Variants in CARHSP1 observed in about 807,000 individuals in gnomAD.
CARHSP1 encodes calcium-regulated heat-stable protein 1.
CARHSP1 carries 14 observed loss-of-function variants against 12.5 expected under a neutral mutation model. The observed-to-expected ratio is 1.12, with a 90% CI of 0.74 to 1.75. The LOEUF (loss-of-function observed/expected upper bound fraction) is 1.75, where lower values mean the gene tolerates loss of function less well. Ranked by LOEUF, CARHSP1 falls within the 40% of genes most tolerant of loss-of-function variation. The pLI, the probability that CARHSP1 is intolerant of heterozygous loss-of-function variation, is 0.00. For synonymous variants in CARHSP1, 161 were observed against 82.0 expected, an observed-to-expected ratio of 1.96 and a Z score of -5.20; for missense variants, 343 against 201.6, an observed-to-expected ratio of 1.70 and a Z score of -4.25.
intron 2 of CARHSP1, 81 bp from the exon 3 acceptor site, chr16:8,858,553 G>A (rs1300426811): frequency 1.3e-6 from 2 of 1,547,734 alleles, no homozygotes; most frequent in Non-Finnish European, 1.7e-6. Context: ...GCCCACAGCT[G>A]TGCCCCATCA....
Position 8,855,308 on chromosome 16 carries a change from G to C in CARHSP1, c.300C>G (p.Val100=), listed in dbSNP as rs2061062844. The C allele has an allele frequency of 6.2e-7, 1 of 1,606,028 alleles. No homozygotes were observed. The highest frequency in any genetic ancestry group is 8.5e-7 in the Non-Finnish European group (1 of 1,175,210). ...AGGTGACCTCGTCGCCTTCCACTGG[G>C]ACATACTCCCCTTCCACACTACGGG... is the stretch of plus-strand genomic sequence containing the variant. ...LHISDVEGEY[V]PVEGDEVTYK... The change falls in exon 4 of 4, where the codon GTC becomes GTG. Residue 100 remains valine, a synonymous_variant. Coordinates refer to ENST00000311052, the MANE Select transcript of CARHSP1 (RefSeq NM_014316.4).
At chr16:8,860,583 G>GGGGCAGCTGGGTGGGCATCACT (rs1270043361) in intron 1 of CARHSP1, 1 of 926,950 alleles carries the variant, frequency 1.1e-6, no homozygotes, top group Non-Finnish European at 1.3e-6. Context: ...TCTGCAAAGT[G>GGGGCAGCTGGGTGGGCATCACT]GGGCAGCTGG....
At chr16:8,861,102 AG>A (rs1254798840) in intron 1 of CARHSP1, among the ~76,000 whole-genome samples, 29 of 145,868 alleles carry the variant, frequency 2.0e-4, no homozygotes, top group Non-Finnish European at 2.7e-4. Flanking sequence ...ACTGTCACCC[AG>A]GCTGGAGGGC....
In CARHSP1 at chr16:8,858,537, G is replaced by T; in HGVS notation, c.159-65C>A. 7 of 1,583,104 alleles carry T rather than the reference G, an allele frequency of 4.4e-6. No homozygotes were observed. The South Asian group carries it at 5.7e-5, about 13-fold the overall frequency. ...TCCTGGGCACACAAAGCTCATTCCAGCCCCTGCCCACAGCTGTGCCCCATC... is the reference window on the plus strand; with the variant it reads ...TCCTGGGCACACAAAGCTCATTCCATCCCCTGCCCACAGCTGTGCCCCATC... On this transcript the variant is annotated intron_variant, in intron 2 of 3. Transcript: ENST00000311052.
At position 8,858,415 on chromosome 16, in the gene CARHSP1, C is replaced by G. The variant is rs557545574; in HGVS notation, c.216G>C (p.Arg72=). 2 of 1,614,064 alleles carry G rather than the reference C, an allele frequency of 1.2e-6. No individual in the cohort carries two copies. Among genetic ancestry groups the G allele is most frequent in the African/African-American group, 1.3e-5 (1 of 75,018 alleles). Reference sequence around the variant, plus strand: ...GAGTAATGAAGCCATGGCCCTTGGACCGGCAGAAGCATTTGCAGACTCCTT... The same window carrying G: ...GAGTAATGAAGCCATGGCCCTTGGAGCGGCAGAAGCATTTGCAGACTCCTT... ...VYKGVCKCFC[R]SKGHGFITPA... Residue 72 remains arginine, a synonymous_variant, in exon 3 of 4, where the codon CGG becomes CGC. Transcript: ENST00000311052.
chr16:8,860,253 A>C, intron 1 of CARHSP1: 22 of 983,348 alleles, frequency 2.2e-5, no homozygotes, highest in Non-Finnish European at 2.5e-5. Context: ...AGAATTTCCA[A>C]GGCTGCATCC....
At chr16:8,868,301 G>A (rs1181230028) in intron 1 of CARHSP1, 2 of 152,144 alleles carry the variant, frequency 1.3e-5, no homozygotes, top group African/African-American at 2.4e-5. Context: ...AATCAAAAAA[G>A]AACATTTCAC....
At position 8,858,481 on chromosome 16, in the gene CARHSP1, G is replaced by C. The variant is rs376412237; in HGVS notation, c.159-9C>G. 2.5e-6 allele frequency: 4 copies of C among 1,612,942 alleles called. No homozygotes were observed. The highest frequency in any genetic ancestry group is 1.1e-5 in the South Asian group (1 of 91,052). On this transcript the variant is annotated splice_polypyrimidine_tract_variant and intron_variant, in intron 2 of 3. Transcript: ENST00000311052. Reference sequence around the variant, plus strand: ...GTGAAGCCCGCACCGTCCTGACAGAGAGGGGGAAATGTCAGGGGCCCCATC... The same window carrying C: ...GTGAAGCCCGCACCGTCCTGACAGACAGGGGGAAATGTCAGGGGCCCCATC...
rs368082559 is a variant in CARHSP1 at position 8,859,186 on chromosome 16, G to T, written c.143C>A (p.Thr48Lys). The T allele has an allele frequency of 6.9e-6, 11 of 1,600,934 alleles. No individual in the cohort carries two copies. The highest frequency in any genetic ancestry group is 1.4e-5 in the African/African-American group (1 of 73,372). ...CCAGACTCACGCCGAGAAGGTCCTC[G>T]TCCGGCGAGTGGGCAGTGGGCTTGG... The part of the protein sequence containing the change: ...VVPSPLPTRR[T>K]RTFSATVRAS... The change falls in exon 2 of 4, where the codon ACG becomes AAG. Residue 48 changes from threonine to lysine, a missense_variant. By Grantham distance (78) the Thr-to-Lys change is moderately conservative (BLOSUM62 -1). Coordinates refer to ENST00000311052, the MANE Select transcript of CARHSP1 (RefSeq NM_014316.4).
intron 1 of CARHSP1, chr16:8,859,976 CAAAAAAG>C (rs1471847825): frequency 4.7e-6 from 1 of 210,616 alleles, no homozygotes; most frequent in African/African-American, 2.4e-5. Flanking sequence ...GACTCTGTCT[CAAAAAAG>C]AAAACCCAAA....
intron 1 of CARHSP1, among the ~76,000 whole-genome samples, chr16:8,860,730 C>T (rs1417118889): frequency 6.6e-6 from 1 of 152,084 alleles, no homozygotes; most frequent in Non-Finnish European, 1.5e-5. Context: ...CGGTTTGACT[C>T]AGGTCCCATG....
At chr16:8,863,112 C>CTTTTTTTT (rs71155412) in intron 1 of CARHSP1, among the ~76,000 whole-genome samples, 8 of 74,142 alleles carry the variant, frequency 1.1e-4, no homozygotes, top group African/African-American at 2.9e-4. Context: ...ACAAGGATGG[C>CTTTTTTTT]TTTTTTTTTT....
intron 1 of CARHSP1, chr16:8,859,785 C>T (rs1397873413): frequency 6.5e-6 from 1 of 153,794 alleles, no homozygotes; most frequent in Non-Finnish European, 1.4e-5. Context: ...CGAGACTAGC[C>T]TGGCCAACAT....
chr16:8,859,263 G>A lies in CARHSP1; in HGVS notation c.66C>T (p.Asp22=), dbSNP rs765763975. The A allele has an allele frequency of 1.9e-6, 3 of 1,602,644 alleles. No individual in the cohort carries two copies. Among genetic ancestry groups the A allele is most frequent in the East Asian group, 2.2e-5 (1 of 44,618 alleles). ...GTGAGCGCTCACGGCTCCGAGGGGT[G>A]TCCAGCAGCCCGACTGAAGCTTGAT... ...PTHQASVGLL[D]TPRSRERSPS... The change falls in exon 2 of 4, where the codon GAC becomes GAT. Residue 22 remains aspartate, a synonymous_variant. Coordinates refer to ENST00000311052, the MANE Select transcript of CARHSP1 (RefSeq NM_014316.4).
chr16:8,864,516 G>A (rs1318368232), intron 1 of CARHSP1, among the ~76,000 whole-genome samples: 1 of 152,222 alleles, frequency 6.6e-6, no homozygotes, highest in Non-Finnish European at 1.5e-5. Context: ...GGAGAACGGA[G>A]ACACAAAGAG....
At chr16:8,866,469 C>A in intron 1 of CARHSP1, 1 of 985,392 alleles carries the variant, frequency 1.0e-6, no homozygotes, top group Non-Finnish European at 1.2e-6. Flanking sequence ...AGACACTGAG[C>A]TGACCCATCC....
chr16:8,860,388 G>T, intron 1 of CARHSP1: 1 of 985,460 alleles, frequency 1.0e-6, no homozygotes, highest in Non-Finnish European at 1.2e-6. Context: ...TTCCCTAGCT[G>T]CTGCTGTGCT....
At chr16:8,859,100 GAC>G (rs936111700) in intron 2 of CARHSP1, 69 bp downstream of exon 2, 4 of 1,432,280 alleles carry the variant, frequency 2.8e-6, no homozygotes, top group East Asian at 4.9e-5. Context: ...AATGGCCAGA[GAC>G]ACAGTGAATC....
chr16:8,860,945 G>A (rs1596539481), intron 1 of CARHSP1, among the ~76,000 whole-genome samples: 1 of 151,594 alleles, frequency 6.6e-6, no homozygotes, highest in East Asian at 2.0e-4. Flanking sequence ...AGCTACTCGG[G>A]AGGCCAAAGC....
Sources: allele counts gnomAD v4.1 joint callset (sites outside exome capture counted in the v4.1 genomes callset), GRCh38; gene constraint gnomAD v4.1.1; transcripts MANE v1.5; gene names NCBI Gene and HGNC (gene_info 2026-07-23, HGNC 2026-07-21).